STYK1: variants seen among roughly 807,000 people sequenced by gnomAD.
STYK1 encodes the protein STY kinase 1.
STYK1 carries 46 observed loss-of-function variants against 48.1 expected under a neutral mutation model. That is an observed-to-expected ratio of 0.96 (90% CI 0.75 to 1.22). The LOEUF is 1.22. Ranked by LOEUF, STYK1 falls within the 50% of genes most tolerant of loss-of-function variation. The pLI is 0.00. For missense variants in STYK1, 527 were observed against 521.1 expected (o/e 1.01, Z -0.11); for synonymous variants, 188 against 189.0 (o/e 0.99, Z 0.04).
intron 1 of STYK1, among the ~76,000 whole-genome samples, chr12:10,662,639 C>A (rs929154275): frequency 6.6e-6 from 1 of 152,130 alleles, no homozygotes; most frequent in Admixed American, 6.5e-5. Context: ...TTCATGTGCT[C>A]ATTGGCCACT....
chr12:10,624,867 G>T lies in STYK1; in HGVS notation c.718-8C>A. 6.2e-7 allele frequency: 1 copy of T among 1,613,474 alleles called. No individual in the cohort carries two copies. Among genetic ancestry groups the T allele is most frequent in the Non-Finnish European group, 8.5e-7 (1 of 1,179,436 alleles). On this transcript the variant is annotated splice_region_variant and splice_polypyrimidine_tract_variant and intron_variant, in intron 7 of 10. Transcript: ENST00000075503. ...CTTCTCCTGCAGGAATTCCTGTCAA[G>T]ATAAAATCAAATATGATCAGCTGTC...
chr12:10,621,545 T>C (rs973960580), intron 10 of STYK1, among the ~76,000 whole-genome samples: 3 of 152,132 alleles, frequency 2.0e-5, no homozygotes, highest in African/African-American at 7.2e-5. Context: ...TTGCATTGGG[T>C]TTAGTTTACT....
intron 1 of STYK1, among the ~76,000 whole-genome samples, chr12:10,668,771 C>G (rs967899448): frequency 1.3e-4 from 20 of 152,208 alleles, no homozygotes; most frequent in African/African-American, 4.8e-4. Context: ...TATGCCAAGA[C>G]ATGATATCTA....
intron 1 of STYK1, among the ~76,000 whole-genome samples, chr12:10,664,152 G>C (rs900138873): frequency 8.5e-5 from 13 of 152,060 alleles, no homozygotes; most frequent in Non-Finnish European, 1.3e-4. Flanking sequence ...CTCATACCTG[G>C]ATAAGTAGAC....
chr12:10,668,473 T>G (rs1473579207), intron 1 of STYK1, among the ~76,000 whole-genome samples: 2 of 150,454 alleles, frequency 1.3e-5, no homozygotes, highest in Non-Finnish European at 3.0e-5. Flanking sequence ...CCTCCCAGGT[T>G]CAAGCTAATC....
chr12:10,662,372 G>T (rs576357292), intron 1 of STYK1, among the ~76,000 whole-genome samples: 1 of 152,128 alleles, frequency 6.6e-6, no homozygotes, highest in Non-Finnish European at 1.5e-5. Flanking sequence ...TTTTTCCTTG[G>T]TATATATGTA....
At chr12:10,643,657 A>T (rs1175603450) in intron 1 of STYK1, among the ~76,000 whole-genome samples, 1 of 152,232 alleles carries the variant, frequency 6.6e-6, no homozygotes, top group African/African-American at 2.4e-5. Flanking sequence ...AGTCAAAAAA[A>T]GTTTCTTTAA....
At position 10,667,458 on chromosome 12, in the gene STYK1, TAA is replaced by T. The variant is rs112054531; in HGVS notation, c.-195+6506_-195+6507del. The T allele has an allele frequency of 5.8e-3, 827 of 142,312 alleles. 9 individuals carry two copies. Among genetic ancestry groups the T allele is most frequent in the East Asian group, 0.03 (149 of 4,920 alleles). The allele number at this position is 142,312 out of a possible 1,614,324, so 8.8% of individuals were successfully genotyped here. On this transcript the variant is annotated intron_variant, in intron 1 of 10. Coordinates refer to ENST00000075503, the MANE Select transcript of STYK1 (RefSeq NM_018423.3). ...GGGTCTTCAGCAAGACCCTGTCTCT[TAA>T]AAAAAAAAAAAATACAAAAATTAGC...
At chr12:10,635,577 A>G (rs1193320776) in intron 2 of STYK1, among the ~76,000 whole-genome samples, 2 of 152,232 alleles carry the variant, frequency 1.3e-5, no homozygotes, top group Non-Finnish European at 2.9e-5. Flanking sequence ...TCTTTTAAAT[A>G]AAAAGAAAAT....
chr12:10,667,138 A>C (rs1388411170), intron 1 of STYK1, among the ~76,000 whole-genome samples: 1 of 152,192 alleles, frequency 6.6e-6, no homozygotes, highest in Non-Finnish European at 1.5e-5. Flanking sequence ...AATACCCTTA[A>C]ATGTATAAAG....
rs772862342 is a variant in STYK1, at chr12:10,631,192, C to A, written c.304G>T (p.Ala102Ser). Reference protein sequence around the residue: ...VENFLGATTPALAKLQVPREQ... With the variant: ...VENFLGATTPSLAKLQVPREQ... ...CGCGGCACCTGCAGCTTAGCCAGGG[C>A]AGGTGTGGTAGCTCCCAGAAAGTTT... Residue 102 changes from alanine (A) to serine (S), a missense_variant, in exon 5 of 11, where the codon GCC becomes TCC. Coordinates refer to ENST00000075503, the MANE Select transcript of STYK1 (RefSeq NM_018423.3). 6.2e-7 allele frequency: 1 copy of A among 1,614,192 alleles called. No individual in the cohort carries two copies. Among genetic ancestry groups the A allele is most frequent in the Admixed American group, 1.7e-5 (1 of 60,020 alleles).
At chr12:10,631,941 G>C (rs1361085529) in intron 4 of STYK1, among the ~76,000 whole-genome samples, 8 of 152,122 alleles carry the variant, frequency 5.3e-5, no homozygotes, top group Non-Finnish European at 1.0e-4. Flanking sequence ...GCCAGGTACT[G>C]TTCTAAGTGC....
chr12:10,622,521 T>C, intron 9 of STYK1, 117 bp downstream of exon 9: 1 of 1,146,782 alleles, frequency 8.7e-7, no homozygotes, highest in Non-Finnish European at 1.3e-6. Context: ...TGTCAGTCCA[T>C]TTCAAGCTTC....
At chr12:10,666,013 T>C (rs777828506) in intron 1 of STYK1, among the ~76,000 whole-genome samples, 5 of 152,230 alleles carry the variant, frequency 3.3e-5, no homozygotes, top group Non-Finnish European at 5.9e-5. Flanking sequence ...TTTGCCTCTC[T>C]CCTCCTTCCT....
At chr12:10,638,423 A>G (rs1253182844) in intron 1 of STYK1, among the ~76,000 whole-genome samples, 1 of 152,248 alleles carries the variant, frequency 6.6e-6, no homozygotes, top group Non-Finnish European at 1.5e-5. Context: ...GAGGAGAATG[A>G]AAGTGAAATG....
At chr12:10,627,881 T>C (rs1423650681) in intron 6 of STYK1, among the ~76,000 whole-genome samples, 157 bp from the exon 7 acceptor site, 1 of 152,208 alleles carries the variant, frequency 6.6e-6, no homozygotes, top group African/African-American at 2.4e-5. Flanking sequence ...GATTTTCAGA[T>C]AGGCAGAGAC....
chr12:10,646,766 G>A (rs1366287661), intron 1 of STYK1, among the ~76,000 whole-genome samples: 1 of 152,194 alleles, frequency 6.6e-6, no homozygotes, highest in Admixed American at 6.5e-5. Flanking sequence ...TTCATGGGCT[G>A]GGCCCAGGGT....
intron 6 of STYK1, among the ~76,000 whole-genome samples, chr12:10,629,274 C>T (rs1947393256): frequency 6.6e-6 from 1 of 152,166 alleles, no homozygotes; most frequent in Admixed American, 6.5e-5. Flanking sequence ...CTTCAAGTGT[C>T]TAGAAGCCAT....
Position 10,619,889 on chromosome 12 carries a change from G to A in STYK1, c.*255C>T. 1 of 579,558 alleles carries A rather than the reference G, an allele frequency of 1.7e-6. No individual in the cohort carries two copies. The highest frequency in any genetic ancestry group is 2.8e-5 in the East Asian group (1 of 35,932). 35.9% of individuals were successfully genotyped at this position (579,558 alleles called of 1,614,324 possible). ...ACTGCAGAGTTCTAAAACCTCCTTT[G>A]CACAGGTCCACCACTTCTACCCAGG... is the stretch of plus-strand genomic sequence containing the variant. On this transcript the variant is annotated 3_prime_UTR_variant, in exon 11 of 11. Transcript: ENST00000075503.
Sources: gnomAD v4.1 joint callset for allele counts (sites outside exome capture counted in the v4.1 genomes callset) on GRCh38, gnomAD v4.1.1 for gene constraint, MANE v1.5 for transcripts, NCBI Gene and HGNC (gene_info 2026-07-23, HGNC 2026-07-21) for gene names.